Variants in NALCN observed in about 807,000 individuals in gnomAD.
The protein encoded by NALCN is sodium leak channel NALCN.
Under a neutral mutation model 225.3 loss-of-function variants are expected in NALCN, and 111 were observed. That is an observed-to-expected ratio of 0.49 (90% CI 0.42 to 0.58). The LOEUF (loss-of-function observed/expected upper bound fraction) is 0.58, where lower values mean the gene tolerates loss of function less well. Among genes scored for constraint, NALCN ranks in the 20% least tolerant of loss-of-function variants. The pLI, the probability that NALCN is intolerant of heterozygous loss-of-function variation, is 0.00. For missense variants in NALCN, 1,378 were observed against 2,202.4 expected (o/e 0.63, Z 7.49); for synonymous variants, 764 against 769.0 (o/e 0.99, Z 0.11).
chr13:101,414,592 A>T (rs2047881027), intron 1 of NALCN, among the ~76,000 whole-genome samples: 1 of 152,200 alleles, frequency 6.6e-6, no homozygotes, highest in Admixed American at 6.5e-5. Flanking sequence ...GAAATGCCAT[A>T]CCCAAGAAGA....
chr13:101,075,007 C>G (rs2139474259), intron 35 of NALCN, among the ~76,000 whole-genome samples: 1 of 152,234 alleles, frequency 6.6e-6, no homozygotes, highest in South Asian at 2.1e-4. Context: ...ATGATAAGGG[C>G]TACACATTTT....
chr13:101,287,489 A>G (rs1219028755), intron 9 of NALCN, among the ~76,000 whole-genome samples: 1 of 152,182 alleles, frequency 6.6e-6, no homozygotes, highest in Non-Finnish European at 1.5e-5. Context: ...TAACTTTCCA[A>G]TCATTGTCAT....
chr13:101,275,720 T>C (rs116843358), intron 10 of NALCN, among the ~76,000 whole-genome samples: 1 of 152,174 alleles, frequency 6.6e-6, no homozygotes, highest in Non-Finnish European at 1.5e-5. Context: ...TAGGCAGTTG[T>C]AGCACAAAAA....
At chr13:101,261,486 T>C (rs1353095229) in intron 10 of NALCN, among the ~76,000 whole-genome samples, 1 of 152,208 alleles carries the variant, frequency 6.6e-6, no homozygotes, top group Non-Finnish European at 1.5e-5. Flanking sequence ...TCCATGAATA[T>C]GGAATATTTT....
intron 7 of NALCN, among the ~76,000 whole-genome samples, chr13:101,343,191 T>C (rs781618863): frequency 5.1e-4 from 78 of 152,218 alleles, no homozygotes; most frequent in Non-Finnish European, 9.3e-4. Flanking sequence ...TTTGTGTATC[T>C]ACAGAGATAC....
intron 10 of NALCN, among the ~76,000 whole-genome samples, chr13:101,269,780 G>A (rs2042715574): frequency 6.6e-6 from 1 of 152,144 alleles, no homozygotes; most frequent in Non-Finnish European, 1.5e-5. Context: ...TCAGCCTGTG[G>A]CAGTCACCAG....
chr13:101,351,727 C>T lies in NALCN; in HGVS notation c.645-6307G>A, dbSNP rs1009581168. 4.6e-5 allele frequency among the ~76,000 whole-genome samples: 7 copies of T among 152,256 alleles called. No homozygotes were observed. The South Asian group carries it at 8.3e-4, about 18-fold the overall frequency. On this transcript the variant is annotated intron_variant, in intron 6 of 43. Coordinates refer to ENST00000251127, the MANE Select transcript of NALCN (RefSeq NM_052867.4). ...AACAATTCCCAGAAGGACCTCATAACGCTTTCATATAAAAGAAAAGGGATA... is the reference window on the plus strand; with the variant it reads ...AACAATTCCCAGAAGGACCTCATAATGCTTTCATATAAAAGAAAAGGGATA...
chr13:101,125,173 G>C (rs557116287), intron 17 of NALCN, among the ~76,000 whole-genome samples: 192 of 152,164 alleles, frequency 1.3e-3, no homozygotes, highest in Middle Eastern at 0.01. Context: ...CTCCAGAGAA[G>C]AGAACTAAGG....
chr13:101,063,615 C>T (rs1407908211), intron 40 of NALCN, among the ~76,000 whole-genome samples: 1 of 152,176 alleles, frequency 6.6e-6, no homozygotes, highest in African/African-American at 2.4e-5. Flanking sequence ...TGCATTTCTC[C>T]GTCCCATGTT....
chr13:101,252,551 T>C (rs1192956005), intron 11 of NALCN, among the ~76,000 whole-genome samples: 3 of 152,074 alleles, frequency 2.0e-5, no homozygotes, highest in Admixed American at 2.0e-4. Context: ...TGATGACAAG[T>C]TGGGGAGATA....
chr13:101,115,018 C>T (rs903034692), intron 18 of NALCN, among the ~76,000 whole-genome samples: 6 of 152,150 alleles, frequency 3.9e-5, no homozygotes, highest in African/African-American at 1.4e-4. Flanking sequence ...CTCTTATCCA[C>T]AGTAGGTGCT....
intron 7 of NALCN, among the ~76,000 whole-genome samples, chr13:101,317,959 G>T (rs2044612642): frequency 6.6e-6 from 1 of 152,092 alleles, no homozygotes; most frequent in Non-Finnish European, 1.5e-5. Context: ...TGTGATAATA[G>T]AGGAGGGAGA....
At chr13:101,179,336 C>T (rs375395692) in intron 14 of NALCN, among the ~76,000 whole-genome samples, 1 of 152,182 alleles carries the variant, frequency 6.6e-6, no homozygotes, top group Middle Eastern at 3.4e-3. Flanking sequence ...TAATTCTCCC[C>T]GAGCAACCCT....
intron 6 of NALCN, among the ~76,000 whole-genome samples, chr13:101,365,165 G>A (rs73566993): frequency 0.049 from 7,492 of 152,102 alleles, 636 homozygotes; most frequent in African/African-American, 0.17. Context: ...CATAGCACCC[G>A]ATAGGTAGTT....
chr13:101,078,285 G>A (rs931113854), intron 34 of NALCN, among the ~76,000 whole-genome samples: 3 of 152,150 alleles, frequency 2.0e-5, no homozygotes, highest in Non-Finnish European at 2.9e-5. Context: ...TGTGAGAAGA[G>A]GGCCACCATC....
chr13:101,305,716 T>A (rs2044131812), intron 7 of NALCN, among the ~76,000 whole-genome samples: 1 of 152,216 alleles, frequency 6.6e-6, no homozygotes, highest in Admixed American at 6.5e-5. Flanking sequence ...TCTCATTTTA[T>A]TGGAAAAATG....
chr13:101,084,398 A>G (rs1483625641), intron 30 of NALCN, among the ~76,000 whole-genome samples: 35 of 152,178 alleles, frequency 2.3e-4, no homozygotes, highest in Non-Finnish European at 2.9e-5. Flanking sequence ...GCACTGCATT[A>G]TATTTTATCA....
rs959688676 is a variant in NALCN at position 101,053,837 on chromosome 13, CATCAA to C, written c.*1453_*1457del. 2.0e-5 allele frequency: 3 copies of C among 152,108 alleles called. No homozygotes were observed. Among genetic ancestry groups the C allele is most frequent in the African/African-American group, 7.2e-5 (3 of 41,500 alleles). The allele number at this position is 152,108 out of a possible 1,614,324, so 9.4% of individuals were successfully genotyped here. On this transcript the variant is annotated 3_prime_UTR_variant, in exon 44 of 44. Coordinates refer to ENST00000251127, the MANE Select transcript of NALCN (RefSeq NM_052867.4). The stretch of plus-strand genomic sequence containing the variant: ...GTACAAAAAGTAAACTCCAAGTGAA[CATCAA>C]ATCAAATCTAATCCTTTTGGCCACA...
intron 10 of NALCN, among the ~76,000 whole-genome samples, chr13:101,266,128 C>T (rs566395196): frequency 5.3e-5 from 8 of 152,224 alleles, no homozygotes; most frequent in South Asian, 2.1e-4. Flanking sequence ...GGCTGTAAAA[C>T]GAAAATAAAT....
Sources: allele counts gnomAD v4.1 joint callset (sites outside exome capture counted in the v4.1 genomes callset), GRCh38; gene constraint gnomAD v4.1.1; transcripts MANE v1.5; gene names NCBI Gene and HGNC (gene_info 2026-07-23, HGNC 2026-07-21).